MAGI2: variants seen among roughly 807,000 people sequenced by gnomAD.
The protein encoded by MAGI2 is membrane-associated guanylate kinase, WW and PDZ domain-containing protein 2.
In MAGI2, 35 loss-of-function variants were observed where a neutral mutation model predicts 133.3. The ratio of observed to expected loss-of-function variants is 0.26; its 90% confidence interval spans 0.20 to 0.35. MAGI2 has a LOEUF of 0.35. Ranked by LOEUF, MAGI2 falls within the 10% of genes least tolerant of loss-of-function variation. The pLI is 1.00. For synonymous variants in MAGI2, 729 were observed against 710.6 expected (o/e 1.03, Z -0.41); for missense variants, 1,636 against 1,863.4 (o/e 0.88, Z 2.25).
chr7:78,687,969 TAAAA>T (rs72030909), intron 2 of MAGI2, among the ~76,000 whole-genome samples: 21,669 of 67,664 alleles, frequency 0.32, 2,544 homozygotes, highest in Admixed American at 0.35. Flanking sequence ...GTCCTTGCCT[TAAAA>T]AAAAAAAAAA....
At chr7:78,035,630 A>G (rs754942116) in intron 21 of MAGI2, among the ~76,000 whole-genome samples, 9 of 151,956 alleles carry the variant, frequency 5.9e-5, no homozygotes, top group Non-Finnish European at 7.4e-5. Context: ...TTAAAGTGAG[A>G]TGTTACAGCA....
At chr7:78,240,877 T>C (rs1791062668) in intron 10 of MAGI2, among the ~76,000 whole-genome samples, 1 of 148,552 alleles carries the variant, frequency 6.7e-6, no homozygotes, top group Admixed American at 6.7e-5. Flanking sequence ...ATTCAAAACA[T>C]CATGTACACA....
intron 2 of MAGI2, among the ~76,000 whole-genome samples, chr7:78,739,072 G>A (rs529686974): frequency 1.4e-4 from 21 of 152,116 alleles, no homozygotes; most frequent in Admixed American, 5.2e-4. Flanking sequence ...CACCTCAAAG[G>A]GACTTCAGAG....
chr7:78,245,882 A>G (rs999873128), intron 10 of MAGI2, among the ~76,000 whole-genome samples: 9 of 152,074 alleles, frequency 5.9e-5, no homozygotes, highest in African/African-American at 2.2e-4. Flanking sequence ...GTGCTTTGCC[A>G]TCTTGGAATC....
intron 2 of MAGI2, among the ~76,000 whole-genome samples, chr7:78,639,676 C>G (rs763498046): frequency 2.0e-5 from 3 of 152,054 alleles, no homozygotes; most frequent in Non-Finnish European, 2.9e-5. Flanking sequence ...ATATACTCGG[C>G]TATAGCTGAC....
At chr7:79,093,752 T>G (rs1225688771) in intron 1 of MAGI2, among the ~76,000 whole-genome samples, 28 of 150,958 alleles carry the variant, frequency 1.9e-4, no homozygotes, top group Non-Finnish European at 3.7e-4. Context: ...TTTGTTCTTG[T>G]TGCCCAGGCT....
chr7:78,991,031 T>C lies in MAGI2; in HGVS notation c.418+16059A>G, dbSNP rs1189134624. ...GAGGGAGGGATTTGGTGGGGGGTGA[T>C]TAGATCATGGGGGCAGTTTCCCCCA... On this transcript the variant is annotated intron_variant, in intron 2 of 21. Coordinates refer to ENST00000354212, the MANE Select transcript of MAGI2 (RefSeq NM_012301.4). Among the ~76,000 whole-genome samples the C allele has an allele frequency of 3.3e-5, 5 of 150,834 alleles. No homozygotes were observed. The East Asian group carries it at 1.0e-3, about 30-fold the overall frequency.
At chr7:78,556,111 G>A (rs2192655) in intron 3 of MAGI2, among the ~76,000 whole-genome samples, 61,107 of 151,682 alleles carry the variant, frequency 0.4, 13,777 homozygotes, top group Non-Finnish European at 0.51. Context: ...TTTCCAAAAA[G>A]TATATATATA....
chr7:78,119,087 A>G (rs1187600396), intron 20 of MAGI2, among the ~76,000 whole-genome samples: 1 of 152,240 alleles, frequency 6.6e-6, no homozygotes, highest in South Asian at 2.1e-4. Context: ...GATTCCAACT[A>G]TATGACATGG....
At chr7:78,687,279 A>C (rs1816423189) in intron 2 of MAGI2, among the ~76,000 whole-genome samples, 1 of 152,156 alleles carries the variant, frequency 6.6e-6, no homozygotes, top group Non-Finnish European at 1.5e-5. Context: ...CACATGACTC[A>C]CCCCTCCTTT....
At chr7:79,290,882 G>A (rs1836426298) in intron 1 of MAGI2, among the ~76,000 whole-genome samples, 1 of 151,982 alleles carries the variant, frequency 6.6e-6, no homozygotes, top group Non-Finnish European at 1.5e-5. Flanking sequence ...CCATAAAATA[G>A]TTGTTTTAAA....
intron 1 of MAGI2, among the ~76,000 whole-genome samples, chr7:79,340,809 C>A (rs1272119048): frequency 1.3e-5 from 2 of 151,970 alleles, no homozygotes; most frequent in African/African-American, 4.8e-5. Context: ...CTCAATAAAT[C>A]TAGTCTTCTA....
At chr7:78,697,689 T>C (rs1320250560) in intron 2 of MAGI2, among the ~76,000 whole-genome samples, 3 of 152,138 alleles carry the variant, frequency 2.0e-5, no homozygotes, top group African/African-American at 7.2e-5. Context: ...CTGTAAAAAA[T>C]ACAATGGACA....
At chr7:78,364,945 T>G (rs1355984433) in intron 7 of MAGI2, among the ~76,000 whole-genome samples, 1 of 152,238 alleles carries the variant, frequency 6.6e-6, no homozygotes, top group Non-Finnish European at 1.5e-5. Context: ...CAGGAAAAAT[T>G]GGGCTAAGTT....
intron 6 of MAGI2, among the ~76,000 whole-genome samples, chr7:78,454,404 AT>A (rs1584209325): frequency 1.3e-5 from 2 of 152,272 alleles, no homozygotes; most frequent in East Asian, 3.9e-4. Flanking sequence ...TATTAGAATG[AT>A]TAAAATACAG....
chr7:78,749,320 G>A (rs937811527), intron 2 of MAGI2, among the ~76,000 whole-genome samples: 4 of 152,050 alleles, frequency 2.6e-5, no homozygotes, highest in Admixed American at 1.3e-4. Flanking sequence ...TCTAAACAGT[G>A]GTGATATTAA....
intron 20 of MAGI2, among the ~76,000 whole-genome samples, chr7:78,111,447 A>G: frequency 6.6e-6 from 1 of 152,224 alleles, no homozygotes; most frequent in East Asian, 1.9e-4. Context: ...CCTCATGGGA[A>G]GATGCTTTTG....
At chr7:78,536,770 T>C (rs1293947044) in intron 3 of MAGI2, among the ~76,000 whole-genome samples, 1 of 150,610 alleles carries the variant, frequency 6.6e-6, no homozygotes, top group Non-Finnish European at 1.5e-5. Flanking sequence ...TTTTTTTTTT[T>C]TTTTTCTGGA....
chr7:78,815,546 T>C (rs1055178489), intron 2 of MAGI2, among the ~76,000 whole-genome samples: 1 of 152,098 alleles, frequency 6.6e-6, no homozygotes, highest in African/African-American at 2.4e-5. Context: ...GTGGCAACTT[T>C]TCATGAAGCA....
Sources: gnomAD v4.1 joint callset for allele counts (sites outside exome capture counted in the v4.1 genomes callset) on GRCh38, gnomAD v4.1.1 for gene constraint, MANE v1.5 for transcripts, NCBI Gene and HGNC (gene_info 2026-07-23, HGNC 2026-07-21) for gene names.